DAZAP1: variants seen among roughly 807,000 people sequenced by gnomAD.
The protein encoded by DAZAP1 is DAZ-associated protein 1.
DAZAP1 carries 6 observed loss-of-function variants against 60.1 expected under a neutral mutation model. The ratio of observed to expected loss-of-function variants is 0.10; its 90% CI spans 0.05 to 0.20. The LOEUF (loss-of-function observed/expected upper bound fraction) is 0.20. Among genes scored for constraint, DAZAP1 ranks in the 10% least tolerant of loss-of-function variants. DAZAP1 has a pLI of 1.00. For missense variants in DAZAP1, 366 were observed against 560.4 expected, an observed-to-expected ratio of 0.65 and a Z score of 3.50; for synonymous variants, 235 against 215.9, an observed-to-expected ratio of 1.09 and a Z score of -0.78.
chr19:1,434,428 C>G lies in DAZAP1; in HGVS notation c.1049-309C>G. ...TGTGTCTCCAAGCCCCGAGGCTTCT[C>G]TACCTCCCCTCACCCCCCCAACCAC... On this transcript the variant is annotated intron_variant, in intron 11 of 11. Transcript: ENST00000233078. The surrounding 1 kb of genome is among the most constrained non-coding windows in gnomAD (Gnocchi z 8.0). The G allele has an allele frequency of 1.5e-5, 5 of 342,168 alleles. No individual in the cohort carries two copies. The highest frequency in any genetic ancestry group is 2.7e-5 in the Non-Finnish European group (5 of 184,768). 21.2% of individuals were successfully genotyped at this position (342,168 alleles called of 1,614,324 possible). A position where few individuals can be genotyped will look rare whatever the true frequency, so the allele number is the denominator to read the frequency against.
chr19:1,414,611 C>T (rs2082920778), intron 1 of DAZAP1, among the ~76,000 whole-genome samples: 1 of 151,768 alleles, frequency 6.6e-6, no homozygotes, highest in South Asian at 2.1e-4. Flanking sequence ...TGGCGGGCGC[C>T]TGTAGTCCCA....
At chr19:1,429,050 G>T in intron 8 of DAZAP1, 55 bp downstream of exon 8, 1 of 1,512,390 alleles carries the variant, frequency 6.6e-7, no homozygotes, top group Non-Finnish European at 8.8e-7. Context: ...GACTTGGCCC[G>T]CGCGCCCTGG....
At position 1,435,146 on chromosome 19, in the gene DAZAP1, A is replaced by T. The variant is rs1023906069; in HGVS notation, c.*234A>T. 7.1e-6 allele frequency: 2 copies of T among 283,624 alleles called. No homozygotes were observed. The highest frequency in any genetic ancestry group is 6.5e-6 in the Non-Finnish European group (1 of 153,440). The allele number at this position is 283,624 out of a possible 1,614,324, so 17.6% of individuals were successfully genotyped here. A position where few individuals can be genotyped will look rare whatever the true frequency, so the allele number is the denominator to read the frequency against. The stretch of plus-strand genomic sequence containing the variant: ...AGTCACTGGTTCAACAACAGGGTTT[A>T]AAAAAAATGTCTTCAGCTTTAATTC... On this transcript the variant is annotated 3_prime_UTR_variant, in exon 12 of 12. Transcript: ENST00000233078.
chr19:1,407,859 C>A, intron 1 of DAZAP1, 57 bp downstream of exon 1: 3 of 1,051,712 alleles, frequency 2.9e-6, no homozygotes, highest in Non-Finnish European at 3.4e-6. Context: ...CGCCGCTCCC[C>A]GCCGCCCGGC....
rs2083363357 is a variant in DAZAP1 at position 1,428,615 on chromosome 19, C to T, written c.547-227C>T. 1.3e-5 allele frequency: 7 copies of T among 550,220 alleles called. No homozygotes were observed. The highest frequency in any genetic ancestry group is 4.9e-4 in the Middle Eastern group (1 of 2,050). 34.1% of individuals were successfully genotyped at this position (550,220 alleles called of 1,614,324 possible). A position where few individuals can be genotyped will look rare whatever the true frequency, so the allele number is the denominator to read the frequency against. On this transcript the variant is annotated intron_variant, in intron 7 of 11. Transcript: ENST00000233078. The surrounding 1 kb of genome is among the most constrained non-coding windows in gnomAD (Gnocchi z 4.0). The stretch of plus-strand genomic sequence containing the variant: ...CAGTGGGCGGGCTCTGTGTGTCTTA[C>T]GGTTGCATCTGTTGTACCTGAGAAA...
Position 1,430,014 on chromosome 19 carries a change from G to A in DAZAP1, c.730+18G>A. 1.3e-6 allele frequency: 2 copies of A among 1,574,382 alleles called. No individual in the cohort carries two copies. Among genetic ancestry groups the A allele is most frequent in the Non-Finnish European group, 1.7e-6 (2 of 1,158,970 alleles). ...GGCGATTGGTAAGTCCTTGTTTATA[G>A]AGCAAAGGCGGGGACAGAAGCCACA... On this transcript the variant is annotated intron_variant, in intron 9 of 11. Transcript: ENST00000233078.
At position 1,429,991 on chromosome 19, in the gene DAZAP1, C is replaced by T; in HGVS notation, c.725C>T (p.Ala242Val). 5 of 1,572,306 alleles carry T rather than the reference C, an allele frequency of 3.2e-6. No individual in the cohort carries two copies. Among genetic ancestry groups the T allele is most frequent in the Non-Finnish European group, 4.3e-6 (5 of 1,157,770 alleles). ...PQGMWVPAGQ[A>V]IGGYGPPPAG... The stretch of plus-strand genomic sequence containing the variant: ...GGAATGTGGGTGCCGGCAGGACAGG[C>T]GATTGGTAAGTCCTTGTTTATAGAG... Residue 242 changes from alanine to valine, a missense_variant, in exon 9 of 12, where the codon GCG (alanine) becomes GTG (valine). Physicochemically the swap from Ala to Val is moderately conservative, Grantham distance 64. Transcript: ENST00000233078.
chr19:1,407,635 G>GCCGCCGCCGCCA lies in DAZAP1; in HGVS notation c.-128_-127insACCGCCGCCGCC. The GCCGCCGCCGCCA allele has an allele frequency of 1.2e-6, 1 of 846,328 alleles. No homozygotes were observed. The highest frequency in any genetic ancestry group is 1.4e-6 in the Non-Finnish European group (1 of 702,738). 52.4% of individuals were successfully genotyped at this position (846,328 alleles called of 1,614,324 possible). A position where few individuals can be genotyped will look rare whatever the true frequency, so the allele number is the denominator to read the frequency against. ...GGAGGAGGCAGCCGCCGCCGCCGCC[G>GCCGCCGCCGCCA]CCGCCGCCGCCGCCGCCGCCGCCGC... On this transcript the variant is annotated 5_prime_UTR_variant, in exon 1 of 12. Transcript: ENST00000233078.
Position 1,425,125 on chromosome 19 carries a change from T to C in DAZAP1, c.464-753T>C, listed in dbSNP as rs2083274633. 6.6e-6 allele frequency among the ~76,000 whole-genome samples: 1 copy of C among 152,246 alleles called. No individual in the cohort carries two copies. The highest frequency in any genetic ancestry group is 2.4e-5 in the African/African-American group (1 of 41,458). ...GCAGAGTCTGACCTGCTGGAACCCG[T>C]TGTGGCCTGTATCTTTGTGCATTGT... On this transcript the variant is annotated intron_variant, in intron 6 of 11. Transcript: ENST00000233078. This position sits in a 1 kb window ranked among gnomAD's most constrained non-coding sequence, Gnocchi z 5.4.
At chr19:1,414,420 C>T (rs962097811) in intron 1 of DAZAP1, among the ~76,000 whole-genome samples, 3 of 152,182 alleles carry the variant, frequency 2.0e-5, no homozygotes, top group Non-Finnish European at 4.4e-5. Context: ...AGAACAATGA[C>T]ATTCTCTCAC....
intron 10 of DAZAP1, among the ~76,000 whole-genome samples, chr19:1,431,094 C>T (rs566914349): frequency 5.3e-5 from 8 of 151,252 alleles, no homozygotes; most frequent in East Asian, 3.9e-4. Flanking sequence ...TAAGATCAGC[C>T]GACACACCCA....
intron 4 of DAZAP1, among the ~76,000 whole-genome samples, chr19:1,419,351 A>G (rs775188786): frequency 1.3e-5 from 2 of 152,252 alleles, no homozygotes; most frequent in Non-Finnish European, 2.9e-5. Flanking sequence ...TGGACAGTGC[A>G]GACCTGGAGG....
chr19:1,407,846 GCCCGCCGCTC>G (rs1233234044), intron 1 of DAZAP1, 44 bp downstream of exon 1: 2 of 1,057,266 alleles, frequency 1.9e-6, no homozygotes, highest in African/African-American at 3.4e-5. Flanking sequence ...CCCGAGCCCG[GCCCGCCGCTC>G]CCCGCCGCCC....
At chr19:1,424,847 G>A (rs112879399) in intron 6 of DAZAP1, among the ~76,000 whole-genome samples, 2 of 152,164 alleles carry the variant, frequency 1.3e-5, no homozygotes, top group South Asian at 2.1e-4. Flanking sequence ...GGCTGGTGCC[G>A]CCTGGGCCCC....
Position 1,428,931 on chromosome 19 carries a change from C to G in DAZAP1, c.636C>G (p.Pro212=). Residue 212 remains proline (P), a synonymous_variant, in exon 8 of 12, where the codon CCC becomes CCG. Transcript: ENST00000233078. This position sits in a 1 kb window ranked among gnomAD's most constrained non-coding sequence, Gnocchi z 4.0. The part of the protein sequence containing the change: ...GASQWGSRVV[P]NAANGWAGQP... ...GCCAGTGGGGGAGCCGGGTTGTGCC[C>G]AACGCTGCCAATGGCTGGGCAGGCC... 1 of 1,612,382 alleles carries G rather than the reference C, an allele frequency of 6.2e-7. No individual in the cohort carries two copies. Among genetic ancestry groups the G allele is most frequent in the Non-Finnish European group, 8.5e-7 (1 of 1,179,638 alleles).
At chr19:1,417,465 G>C in intron 1 of DAZAP1, 35 bp from the exon 2 acceptor site, 1 of 1,588,170 alleles carries the variant, frequency 6.3e-7, no homozygotes, top group Non-Finnish European at 8.6e-7. Context: ...GGCGAGCGCT[G>C]TCTTGATCCT....
chr19:1,407,643 C>CGCCGCCGCT lies in DAZAP1; in HGVS notation c.-123_-122insTGCCGCCGC. The CGCCGCCGCT allele has an allele frequency of 1.1e-6, 1 of 926,778 alleles. No homozygotes were observed. The highest frequency in any genetic ancestry group is 1.3e-6 in the Non-Finnish European group (1 of 774,584). 57.4% of individuals were successfully genotyped at this position (926,778 alleles called of 1,614,324 possible). A position where few individuals can be genotyped will look rare whatever the true frequency, so the allele number is the denominator to read the frequency against. On this transcript the variant is annotated 5_prime_UTR_variant, in exon 1 of 12. Transcript: ENST00000233078. The stretch of plus-strand genomic sequence containing the variant: ...CAGCCGCCGCCGCCGCCGCCGCCGC[C>CGCCGCCGCT]GCCGCCGCCGCCGCCGCCGTTGCGC...
At chr19:1,410,654 TGG>T (rs2082802595) in intron 1 of DAZAP1, among the ~76,000 whole-genome samples, 1 of 152,082 alleles carries the variant, frequency 6.6e-6, no homozygotes, top group African/African-American at 2.4e-5. Context: ...GGCGCCTGGG[TGG>T]TAGACCAGGT....
chr19:1,433,769 G>C lies in DAZAP1; in HGVS notation c.1049-968G>C. 1 of 1,613,998 alleles carries C rather than the reference G, an allele frequency of 6.2e-7. No individual in the cohort carries two copies. Among genetic ancestry groups the C allele is most frequent in the South Asian group, 1.1e-5 (1 of 91,086 alleles). On this transcript the variant is annotated intron_variant, in intron 11 of 11. Transcript: ENST00000233078. This position sits in a 1 kb window ranked among gnomAD's most constrained non-coding sequence, Gnocchi z 6.1. ...GGTTCCTATTCTCCAGCCCCGCCGG[G>C]CTGCGGCCCACACTTTGTTTACAGT...
Sources: gnomAD v4.1 joint callset for allele counts (sites outside exome capture counted in the v4.1 genomes callset) on GRCh38, gnomAD v4.1.1 for gene constraint, Gnocchi (gnomAD v3.1) non-coding constraint, MANE v1.5 for transcripts, NCBI Gene and HGNC (gene_info 2026-07-23, HGNC 2026-07-21) for gene names.